ESR1: variants seen among roughly 807,000 people sequenced by gnomAD.
ESR1 encodes the protein estrogen receptor.
A neutral mutation model predicts 52.7 loss-of-function variants in ESR1; 12 were observed. That is an observed-to-expected ratio of 0.23 (90% CI 0.15 to 0.37). The LOEUF is 0.37. Among genes scored for constraint, ESR1 ranks in the 10% least tolerant of loss-of-function variants. The pLI is 1.00. For synonymous variants in ESR1, 305 were observed against 316.8 expected, an observed-to-expected ratio of 0.96 and a Z score of 0.39; for missense variants, 584 against 779.7, an observed-to-expected ratio of 0.75 and a Z score of 2.99.
chr6:151,854,684 C>T (rs1302684051), intron 2 of ESR1, among the ~76,000 whole-genome samples: 1 of 151,886 alleles, frequency 6.6e-6, no homozygotes, highest in African/African-American at 2.4e-5. Flanking sequence ...AAATTAGCAC[C>T]CAAGGTTGGG....
intron 2 of ESR1, among the ~76,000 whole-genome samples, chr6:151,717,574 A>G (rs575705415): frequency 6.6e-5 from 10 of 152,190 alleles, no homozygotes; most frequent in Admixed American, 2.0e-4. Flanking sequence ...CTTTCTTGCT[A>G]TGTTTCTTTT....
chr6:151,925,004 A>G (rs2032425072), intron 3 of ESR1, among the ~76,000 whole-genome samples: 1 of 152,072 alleles, frequency 6.6e-6, no homozygotes, highest in East Asian at 1.9e-4. Context: ...TTGAATGGTA[A>G]TTCTCCTTTT....
intron 5 of ESR1, among the ~76,000 whole-genome samples, chr6:152,021,403 C>A (rs1422907265): frequency 6.6e-6 from 1 of 152,044 alleles, no homozygotes; most frequent in Non-Finnish European, 1.5e-5. Context: ...TAATAAACTC[C>A]CCTTTATATA....
chr6:151,738,987 A>G (rs1191918841), intron 2 of ESR1, among the ~76,000 whole-genome samples: 1 of 152,172 alleles, frequency 6.6e-6, no homozygotes, highest in African/African-American at 2.4e-5. Context: ...AAGAATTTCT[A>G]GTATCTGAAG....
intron 4 of ESR1, among the ~76,000 whole-genome samples, chr6:152,004,061 C>T (rs145188312): frequency 2.1e-3 from 322 of 151,990 alleles, no homozygotes; most frequent in African/African-American, 7.4e-3. Flanking sequence ...GCTTTATAAG[C>T]CTCATTTTTC....
intron 1 of ESR1, among the ~76,000 whole-genome samples, chr6:151,814,665 AAAG>A (rs1270726272): frequency 2.6e-5 from 4 of 152,252 alleles, no homozygotes; most frequent in Non-Finnish European, 5.9e-5. Flanking sequence ...TCAACAAAAT[AAAG>A]AAGAAATTTT....
chr6:151,889,511 C>G (rs1382905401), intron 3 of ESR1, among the ~76,000 whole-genome samples: 1 of 152,034 alleles, frequency 6.6e-6, no homozygotes, highest in Non-Finnish European at 1.5e-5. Context: ...AATGTCTCCT[C>G]TTTTATTTCT....
chr6:151,668,211 C>A (rs553639811), intron 1 of ESR1, among the ~76,000 whole-genome samples: 1 of 152,120 alleles, frequency 6.6e-6, no homozygotes, highest in Non-Finnish European at 1.5e-5. Context: ...ATGCATGGTG[C>A]CTCCAGAGGA....
intron 2 of ESR1, among the ~76,000 whole-genome samples, chr6:151,781,016 TTTC>T (rs1469981349): frequency 2.5e-4 from 38 of 152,358 alleles, no homozygotes; most frequent in Non-Finnish European, 2.1e-4. Context: ...AAACTAATTT[TTTC>T]TTTTGCTTTC....
At chr6:151,686,079 T>A (rs993491115), upstream of ESR1, among the ~76,000 whole-genome samples, 158 of 147,700 alleles carry the variant, frequency 1.1e-3, no homozygotes, top group African/African-American at 3.8e-3. Flanking sequence ...TTTTTTTTTT[T>A]TTTTTTTTTA....
rs906914442 is a variant in ESR1 at position 152,086,116 on chromosome 6, A to G, written c.1370-8269A>G. Among the ~76,000 whole-genome samples, 15 of 152,182 alleles carry G rather than the reference A, an allele frequency of 9.9e-5. 1 individual carries two copies. Among genetic ancestry groups the G allele is most frequent in the Non-Finnish European group, 1.5e-5 (1 of 68,036 alleles). On this transcript the variant is annotated intron_variant, in intron 6 of 7. Transcript: ENST00000206249. ...AGTGGGACTAGAAGTTCCACGTGGA[A>G]CCTTCTGCAAACTCCTCTGCAATAG...
intron 2 of ESR1, among the ~76,000 whole-genome samples, chr6:151,777,375 T>C (rs1168941616): frequency 6.6e-6 from 1 of 151,978 alleles, no homozygotes; most frequent in East Asian, 1.9e-4. Context: ...CACCTCAGCC[T>C]CCCAAAGTGC....
chr6:151,878,424 A>C (rs1214559360), intron 2 of ESR1, among the ~76,000 whole-genome samples: 1 of 152,162 alleles, frequency 6.6e-6, no homozygotes, highest in Non-Finnish European at 1.5e-5. Context: ...GAAGAGTGCA[A>C]ATGTTAATTT....
chr6:151,813,009 CT>C (rs1210604557), intron 1 of ESR1, among the ~76,000 whole-genome samples: 2 of 151,888 alleles, frequency 1.3e-5, no homozygotes. Context: ...GCTACTTCGT[CT>C]CTAAAATATA....
chr6:152,034,099 C>G (rs147838474), intron 5 of ESR1, among the ~76,000 whole-genome samples: 3 of 139,290 alleles, frequency 2.2e-5, no homozygotes, highest in African/African-American at 5.4e-5. Flanking sequence ...AATGAGAACA[C>G]GTGGACACAG....
chr6:152,093,876 G>A (rs1215309801), intron 6 of ESR1, among the ~76,000 whole-genome samples: 1 of 152,124 alleles, frequency 6.6e-6, no homozygotes, highest in African/African-American at 2.4e-5. Context: ...CACGTCTCCC[G>A]AGAGAGCGTC....
chr6:151,979,003 A>T (rs2039728123), intron 4 of ESR1, among the ~76,000 whole-genome samples: 1 of 152,208 alleles, frequency 6.6e-6, no homozygotes, highest in East Asian at 1.9e-4. Context: ...AGGTAGAACT[A>T]AAATATGAAA....
intron 2 of ESR1, among the ~76,000 whole-genome samples, chr6:151,856,789 A>G (rs1787921645): frequency 6.6e-6 from 1 of 151,936 alleles, no homozygotes; most frequent in African/African-American, 2.4e-5. Flanking sequence ...CCCGGGGAGG[A>G]GCTGGAAGAG....
intron 7 of ESR1, among the ~76,000 whole-genome samples, chr6:152,097,574 T>A (rs1362203422): frequency 6.6e-6 from 1 of 152,148 alleles, no homozygotes; most frequent in African/African-American, 2.4e-5. Context: ...GATACATATT[T>A]CTTTTAAAAG....
Sources: gnomAD v4.1 joint callset for allele counts (sites outside exome capture counted in the v4.1 genomes callset) on GRCh38, gnomAD v4.1.1 for gene constraint, MANE v1.5 for transcripts, NCBI Gene and HGNC (gene_info 2026-07-23, HGNC 2026-07-21) for gene names.